The following CNPPD1 variants were observed in gnomAD, a reference collection of about 807,000 sequenced individuals.
CNPPD1 encodes cyclin Pas1/PHO80 domain containing 1.
Under a neutral mutation model 43.7 loss-of-function variants are expected in CNPPD1, and 40 were observed. That is an observed-to-expected ratio of 0.92 (90% confidence interval 0.71 to 1.19). The LOEUF (loss-of-function observed/expected upper bound fraction) is 1.19. Among genes scored for constraint, CNPPD1 ranks in the 50% most tolerant of loss-of-function variants. CNPPD1 has a pLI of 0.00. For missense variants in CNPPD1, 511 were observed against 518.5 expected, an observed-to-expected ratio of 0.99 and a Z score of 0.14; for synonymous variants, 208 against 214.3, an observed-to-expected ratio of 0.97 and a Z score of 0.26.
chr2:219,174,142 C>T lies in CNPPD1; in HGVS notation c.572+4G>A, dbSNP rs1559214890. On this transcript the variant is annotated splice_donor_region_variant and intron_variant, in intron 6 of 7. Coordinates refer to ENST00000360507, the MANE Select transcript of CNPPD1 (RefSeq NM_015680.6). Reference sequence around the variant, plus strand: ...AGCCCTTCTTCCCAACTCCTAGAACCTACCAGCTCTCCAACCAGCTCAGCA... The same window carrying T: ...AGCCCTTCTTCCCAACTCCTAGAACTTACCAGCTCTCCAACCAGCTCAGCA... 1.2e-6 allele frequency: 2 copies of T among 1,614,132 alleles called. No homozygotes were observed. The highest frequency in any genetic ancestry group is 2.2e-5 in the East Asian group (1 of 44,888).
intron 7 of CNPPD1, 32 bp downstream of exon 7, chr2:219,173,318 C>T (rs1950105552): frequency 6.3e-7 from 1 of 1,591,032 alleles, no homozygotes; most frequent in African/African-American, 1.3e-5. Context: ...CCGGCCTGCT[C>T]AAGCTCCCTA....
chr2:219,175,018 C>T lies in CNPPD1; in HGVS notation c.351G>A (p.Val117=), dbSNP rs749720561. ...RHRNPDYLQH[V]SSSDLFLISM... ...AGATCAGGAACAAGTCAGAGGATGA[C>T]ACATGCTGCAAGTAGTCTGGGTTTC... Residue 117 remains valine (V), a synonymous_variant, in exon 4 of 8, where the codon GTG becomes GTA. Transcript: ENST00000360507. 7.4e-6 allele frequency: 12 copies of T among 1,613,864 alleles called. No individual in the cohort carries two copies. Among genetic ancestry groups the T allele is most frequent in the African/African-American group, 1.3e-5 (1 of 74,854 alleles).
rs79139513 is a variant in CNPPD1 at position 219,172,734 on chromosome 2, G to A, written c.1085C>T (p.Ala362Val). 426 of 1,613,308 alleles carry A rather than the reference G, an allele frequency of 2.6e-4. 5 individuals are homozygous for A. In the East Asian group the frequency reaches 8.8e-3, roughly 33 times the overall value. ...GGTATGGTACCAGGGGCTGGACAGC[G>A]CAGTGGGGACTGTACGGTTGGGGTG... ...CLHPNRTVPTALSSPWYHTYG... is the reference protein window; with the variant it reads ...CLHPNRTVPTVLSSPWYHTYG... Residue 362 changes from alanine (A) to valine (V), a missense_variant, in exon 8 of 8, where the codon GCG becomes GTG. By Grantham distance (64) the Ala-to-Val change is moderately conservative (BLOSUM62 0). Transcript: ENST00000360507.
At chr2:219,175,876 G>C (rs922840118) in intron 2 of CNPPD1, among the ~76,000 whole-genome samples, 1 of 152,210 alleles carries the variant, frequency 6.6e-6, no homozygotes, top group African/African-American at 2.4e-5. Flanking sequence ...TAACAGGAAA[G>C]CTTATTGCCC....
chr2:219,174,867 C>G lies in CNPPD1; in HGVS notation c.421G>C (p.Glu141Gln). Residue 141 changes from glutamate to glutamine, a missense_variant, in exon 5 of 8, where the codon GAG becomes CAG. Coordinates refer to ENST00000360507, the MANE Select transcript of CNPPD1 (RefSeq NM_015680.6). ...CCCCATTCGTCGTTGAAGACCTCCT[C>G]CTCCTCCCCTTCATCATAGAGGTAC... is the stretch of plus-strand genomic sequence containing the variant. ...SKYLYDEGEE[E>Q]EVFNDEWGAA... 6.2e-7 allele frequency: 1 copy of G among 1,614,192 alleles called. No individual in the cohort carries two copies. The highest frequency in any genetic ancestry group is 2.2e-5 in the East Asian group (1 of 44,880).
At chr2:219,174,931 A>C (rs1265196667) in intron 4 of CNPPD1, 25 bp from the exon 5 acceptor site, 1 of 1,614,128 alleles carries the variant, frequency 6.2e-7, no homozygotes, top group Admixed American at 1.7e-5. Context: ...GAAGTGGTGG[A>C]GCAGAGCTCA....
Position 219,174,826 on chromosome 2 carries a change from C to T in CNPPD1, c.462G>A (p.Val154=). 1 of 1,613,676 alleles carries T rather than the reference C, an allele frequency of 6.2e-7. No homozygotes were observed. The highest frequency in any genetic ancestry group is 8.5e-7 in the Non-Finnish European group (1 of 1,179,726). ...FNDEWGAAGG[V]AVPTLNALER... is the part of the protein sequence containing the mutation. ...CCAAGGCATTGAGAGTGGGCACGGC[C>T]ACACCCCCAGCAGCTCCCCATTCGT... is the stretch of plus-strand genomic sequence containing the variant. The change falls in exon 5 of 8, where the codon GTG becomes GTA. Residue 154 remains valine (V), a synonymous_variant. Coordinates refer to ENST00000360507, the MANE Select transcript of CNPPD1 (RefSeq NM_015680.6).
chr2:219,174,824 G>T lies in CNPPD1; in HGVS notation c.464C>A (p.Ala155Asp). 1 of 1,613,580 alleles carries T rather than the reference G, an allele frequency of 6.2e-7. No homozygotes were observed. The change falls in exon 5 of 8, where the codon GCC becomes GAC. Residue 155 changes from alanine to aspartate, a missense_variant. Ala to Asp is a moderately radical substitution (Grantham distance 126). Coordinates refer to ENST00000360507, the MANE Select transcript of CNPPD1 (RefSeq NM_015680.6). ...NDEWGAAGGV[A>D]VPTLNALERG... is the part of the protein sequence containing the mutation. ...CTCCAAGGCATTGAGAGTGGGCACG[G>T]CCACACCCCCAGCAGCTCCCCATTC...
intron 1 of CNPPD1, 72 bp downstream of exon 1, chr2:219,176,688 C>CG (rs1390445192): frequency 1.7e-6 from 2 of 1,189,988 alleles, no homozygotes; most frequent in African/African-American, 3.1e-5. Flanking sequence ...AGCAGTCAGG[C>CG]GAGCTCGCAG....
At position 219,174,191 on chromosome 2, in the gene CNPPD1, G is replaced by A. The variant is rs375446626; in HGVS notation, c.527C>T (p.Thr176Ile). ...FLSAMDWHLYTDPREIFEVLS... is the reference protein window; with the variant it reads ...FLSAMDWHLYIDPREIFEVLS... The stretch of plus-strand genomic sequence containing the variant: ...CACCTCAAAGATCTCCCGAGGGTCA[G>A]TGTAGAGATGCCAATCCTGTGAGTA... The change falls in exon 6 of 8, where the codon ACT (threonine) becomes ATT (isoleucine). Residue 176 changes from threonine (T) to isoleucine (I), a missense_variant. Physicochemically the swap from Thr to Ile is moderately conservative, Grantham distance 89. Coordinates refer to ENST00000360507, the MANE Select transcript of CNPPD1 (RefSeq NM_015680.6). 5 of 1,614,196 alleles carry A rather than the reference G, an allele frequency of 3.1e-6. No homozygotes were observed. The Admixed American group carries it at 8.3e-5, about 27-fold the overall frequency.
At chr2:219,176,961 C>T (rs1559217464), upstream of CNPPD1, 3 of 674,868 alleles carry the variant, frequency 4.4e-6, no homozygotes, top group Admixed American at 3.4e-5. Flanking sequence ...TCGCCCTCGC[C>T]CTCGCAGCTC....
In CNPPD1 at chr2:219,172,388, C is replaced by A. The variant is rs1273908723; in HGVS notation, c.*198G>T. ...AGCTCTCCCTGGCGGCATCACTGTC[C>A]TGGCCAAGCAGCCAGCCACTGCGAT... is the stretch of plus-strand genomic sequence containing the variant. On this transcript the variant is annotated 3_prime_UTR_variant, in exon 8 of 8. Coordinates refer to ENST00000360507, the MANE Select transcript of CNPPD1 (RefSeq NM_015680.6). The A allele has an allele frequency of 1.6e-6, 1 of 642,808 alleles. No homozygotes were observed. Among genetic ancestry groups the A allele is most frequent in the African/African-American group, 1.8e-5 (1 of 55,076 alleles). The allele number at this position is 642,808 out of a possible 1,614,324, so 39.8% of individuals were successfully genotyped here.
Position 219,172,755 on chromosome 2 carries a change from G to C in CNPPD1, c.1064C>G (p.Pro355Arg), listed in dbSNP as rs773009434. 1 of 1,611,140 alleles carries C rather than the reference G, an allele frequency of 6.2e-7. No homozygotes were observed. Among genetic ancestry groups the C allele is most frequent in the Non-Finnish European group, 8.5e-7 (1 of 1,178,446 alleles). The change falls in exon 8 of 8, where the codon CCC becomes CGC. Residue 355 changes from proline (P) to arginine (R), a missense_variant. Transcript: ENST00000360507. Reference sequence around the variant, plus strand: ...CAGCGCAGTGGGGACTGTACGGTTGGGGTGGAGGCAGGCATGGCAGGTTGG... The same window carrying C: ...CAGCGCAGTGGGGACTGTACGGTTGCGGTGGAGGCAGGCATGGCAGGTTGG... ...DSPTCHACLH[P>R]NRTVPTALSS... is the part of the protein sequence containing the mutation.
chr2:219,173,130 T>C lies in CNPPD1; in HGVS notation c.691-2A>G. 6.4e-7 allele frequency: 1 copy of C among 1,568,994 alleles called. No individual in the cohort carries two copies. Among genetic ancestry groups the C allele is most frequent in the Non-Finnish European group, 8.6e-7 (1 of 1,161,020 alleles). On this transcript the variant is annotated splice_acceptor_variant, in intron 7 of 7. Transcript: ENST00000360507. LOFTEE classifies it high-confidence loss of function. ...TGCCACAGCTAACAGGCAAGACAGC[T>C]GCAGGAGAGGAGATAAGAAAGAAGG...
In CNPPD1 at chr2:219,176,778, G is replaced by A; in HGVS notation, c.51C>T (p.Ala17=). ...CACTCACCGTGAAGTCCTGGAAGCC[G>A]GCGAGGGAGAAGGTGCCTTCTTCGT... ...LLDEEGTFSL[A]GFQDFTFLPG... is the part of the protein sequence containing the mutation. Residue 17 remains alanine (A), a synonymous_variant, in exon 1 of 8, where the codon GCC becomes GCT. Transcript: ENST00000360507. 6.3e-7 allele frequency: 1 copy of A among 1,582,836 alleles called. No homozygotes were observed. Among genetic ancestry groups the A allele is most frequent in the Non-Finnish European group, 8.6e-7 (1 of 1,165,150 alleles).
intron 3 of CNPPD1, 39 bp downstream of exon 3, chr2:219,175,552 G>T: frequency 6.6e-7 from 1 of 1,518,818 alleles, no homozygotes; most frequent in Non-Finnish European, 9.1e-7. Context: ...TTTCTCTAGG[G>T]CCCAAACACT....
chr2:219,175,122 A>G lies in CNPPD1; in HGVS notation c.261-14T>C. The stretch of plus-strand genomic sequence containing the variant: ...ATGCATGCCTCCCTGGGTGGTAGAA[A>G]GGATCACTAATTAAACCCAAGGGTC... On this transcript the variant is annotated splice_polypyrimidine_tract_variant and intron_variant, in intron 3 of 7. Transcript: ENST00000360507. The G allele has an allele frequency of 6.4e-7, 1 of 1,571,098 alleles. No homozygotes were observed. Among genetic ancestry groups the G allele is most frequent in the South Asian group, 1.2e-5 (1 of 86,086 alleles).
Position 219,172,575 on chromosome 2 carries a change from C to T in CNPPD1, c.*11G>A. 1 of 1,613,886 alleles carries T rather than the reference C, an allele frequency of 6.2e-7. No individual in the cohort carries two copies. Among genetic ancestry groups the T allele is most frequent in the East Asian group, 2.2e-5 (1 of 44,886 alleles). Reference sequence around the variant, plus strand: ...TCCCAAACCCTCTTAATGCATTCCTCACAGCCCTACCTAGCCTGGGAAAAC... The same window carrying T: ...TCCCAAACCCTCTTAATGCATTCCTTACAGCCCTACCTAGCCTGGGAAAAC... On this transcript the variant is annotated 3_prime_UTR_variant, in exon 8 of 8. Transcript: ENST00000360507.
rs753739955 is a variant in CNPPD1 at position 219,173,383 on chromosome 2, C to T, written c.657G>A (p.Leu219=). Residue 219 remains leucine (L), a synonymous_variant, in exon 7 of 8, where the codon TTG becomes TTA. Coordinates refer to ENST00000360507, the MANE Select transcript of CNPPD1 (RefSeq NM_015680.6). ...GCCGCTGGCAGAGGGAGCCCAGGGCCAACTGCCAGGTCGGCTGCTCCAGCA... is the reference window on the plus strand; with the variant it reads ...GCCGCTGGCAGAGGGAGCCCAGGGCTAACTGCCAGGTCGGCTGCTCCAGCA... ...CVLLEQPTWQ[L]ALGSLCQRLV... 4.3e-6 allele frequency: 7 copies of T among 1,613,620 alleles called. No homozygotes were observed. The Admixed American group carries it at 1.2e-4, about 27-fold the overall frequency.
Sources: allele counts gnomAD v4.1 joint callset (sites outside exome capture counted in the v4.1 genomes callset), GRCh38; gene constraint gnomAD v4.1.1; transcripts MANE v1.5; gene names NCBI Gene and HGNC (gene_info 2026-07-23, HGNC 2026-07-21).